RASSF8: variants seen among roughly 807,000 people sequenced by gnomAD.
The protein encoded by RASSF8 is Ras association domain family member 8.
A neutral mutation model predicts 48.5 loss-of-function variants in RASSF8; 22 were observed. The ratio of observed to expected loss-of-function variants is 0.45; its 90% CI spans 0.32 to 0.65. The LOEUF (loss-of-function observed/expected upper bound fraction) is 0.65. Ranked by LOEUF, RASSF8 falls within the 30% of genes least tolerant of loss-of-function variation. The probability of loss-of-function intolerance (pLI) is 0.03; values close to 1 mark genes in which losing one functional copy is unlikely to be tolerated. For synonymous variants in RASSF8, 127 were observed against 171.5 expected (o/e 0.74, Z 2.03); for missense variants, 418 against 489.2 (o/e 0.85, Z 1.37).
intron 3 of RASSF8, among the ~76,000 whole-genome samples, chr12:26,057,004 C>T (rs1192938351): frequency 6.7e-6 from 1 of 150,104 alleles, no homozygotes; most frequent in African/African-American, 2.5e-5. Flanking sequence ...GGAATTAAGC[C>T]ATGGACAGTG....
chr12:26,053,696 T>G (rs766928371), intron 2 of RASSF8, among the ~76,000 whole-genome samples: 1 of 152,204 alleles, frequency 6.6e-6, no homozygotes, highest in East Asian at 1.9e-4. Context: ...AGCACAGTTA[T>G]GGAATCAGCT....
chr12:26,043,656 A>C (rs1943312762), intron 2 of RASSF8, among the ~76,000 whole-genome samples: 1 of 152,240 alleles, frequency 6.6e-6, no homozygotes, highest in South Asian at 2.1e-4. Flanking sequence ...TGTAATAGAC[A>C]AAAAACTGGA....
At chr12:26,006,130 A>C (rs11048374) in intron 2 of RASSF8, among the ~76,000 whole-genome samples, 56,557 of 152,084 alleles carry the variant, frequency 0.37, 11,242 homozygotes, top group Non-Finnish European at 0.45. Flanking sequence ...AGATACTCAT[A>C]TTGTAGGAAG....
chr12:25,975,417 C>T (rs1052856633), intron 1 of RASSF8, among the ~76,000 whole-genome samples: 10 of 152,140 alleles, frequency 6.6e-5, no homozygotes, highest in East Asian at 1.9e-4. Flanking sequence ...GCAGCTTTTC[C>T]GGTCTTTGTC....
intron 1 of RASSF8, among the ~76,000 whole-genome samples, chr12:25,990,081 A>G (rs769382950): frequency 1.3e-5 from 2 of 152,206 alleles, no homozygotes; most frequent in Admixed American, 1.3e-4. Context: ...AGTGCCTATT[A>G]TTACTTTTTA....
intron 2 of RASSF8, among the ~76,000 whole-genome samples, chr12:26,036,125 C>T (rs1943146007): frequency 1.3e-5 from 2 of 151,754 alleles, no homozygotes; most frequent in South Asian, 4.1e-4. Context: ...AGTGATCACT[C>T]ATTCATCTCT....
chr12:26,043,065 A>T (rs1156988683), intron 2 of RASSF8, among the ~76,000 whole-genome samples: 1 of 152,152 alleles, frequency 6.6e-6, no homozygotes, highest in African/African-American at 2.4e-5. Context: ...CGACAAACAC[A>T]CATGGTTCAC....
chr12:26,049,047 T>G (rs1047645123), intron 2 of RASSF8, among the ~76,000 whole-genome samples: 4 of 152,186 alleles, frequency 2.6e-5, no homozygotes, highest in African/African-American at 9.7e-5. Context: ...CGTGAACCAC[T>G]GTGCCCAGCC....
chr12:25,985,404 A>T (rs1246419654), intron 1 of RASSF8, among the ~76,000 whole-genome samples: 1 of 152,100 alleles, frequency 6.6e-6, no homozygotes, highest in East Asian at 1.9e-4. Context: ...GTATCCACCG[A>T]AGGGAAATAC....
chr12:26,012,333 G>A (rs556331253), intron 2 of RASSF8, among the ~76,000 whole-genome samples: 51 of 152,198 alleles, frequency 3.4e-4, no homozygotes, highest in Non-Finnish European at 6.0e-4. Flanking sequence ...AAGCTCTCAG[G>A]CATTTAATAT....
rs1943330695 is a variant in RASSF8 at position 26,044,470 on chromosome 12, T to C, written c.-108-10766T>C. ...AAAGTATGTTAGAATTTTATACAGTTAATTGATTCAGTAGCTGTACCCTAC... is the reference window on the plus strand; with the variant it reads ...AAAGTATGTTAGAATTTTATACAGTCAATTGATTCAGTAGCTGTACCCTAC... On this transcript the variant is annotated intron_variant, in intron 2 of 5. Coordinates refer to ENST00000689635, the MANE Select transcript of RASSF8 (RefSeq NM_001394098.1). 2.0e-5 allele frequency among the ~76,000 whole-genome samples: 3 copies of C among 152,226 alleles called. No homozygotes were observed. The South Asian group carries it at 6.2e-4, about 32-fold the overall frequency.
At chr12:26,079,862 C>CA (rs1173204826) in exon 6 of RASSF8, 4 of 151,822 alleles carry the variant, frequency 2.6e-5, no homozygotes, top group Non-Finnish European at 5.9e-5. Flanking sequence ...AGAGGTTTCT[C>CA]AAAAAATTAA....
intron 1 of RASSF8, among the ~76,000 whole-genome samples, chr12:25,979,361 C>T (rs1376996844): frequency 6.6e-6 from 1 of 152,010 alleles, no homozygotes; most frequent in Admixed American, 6.6e-5. Flanking sequence ...AAGAGTTGGC[C>T]AGCAGTATCA....
At chr12:25,984,001 A>G (rs1055651453) in intron 1 of RASSF8, among the ~76,000 whole-genome samples, 1 of 152,224 alleles carries the variant, frequency 6.6e-6, no homozygotes, top group Non-Finnish European at 1.5e-5. Context: ...TTCCATTCAT[A>G]TGAGCTTCAG....
chr12:26,034,697 C>A (rs543001936), intron 2 of RASSF8, among the ~76,000 whole-genome samples: 8 of 152,218 alleles, frequency 5.3e-5, no homozygotes, highest in Non-Finnish European at 1.0e-4. Context: ...AATTAAGGAA[C>A]CTCCTACTTT....
Position 26,067,645 on chromosome 12 carries a change from G to A in RASSF8, c.1070G>A (p.Gly357Glu). 1 of 1,614,050 alleles carries A rather than the reference G, an allele frequency of 6.2e-7. No homozygotes were observed. The highest frequency in any genetic ancestry group is 8.5e-7 in the Non-Finnish European group (1 of 1,179,976). Residue 357 changes from glycine (G) to glutamate (E), a missense_variant, in exon 5 of 6, where the codon GGG (glycine) becomes GAG (glutamate). Gly to Glu is a moderately conservative substitution (Grantham distance 98). Transcript: ENST00000689635. ...VNLQQFIQQT[G>E]TKVTVLPAEP... ...CTCCAGCAGTTCATCCAGCAGACAG[G>A]GACAAAAGTTACCGTTTTGCCAGCG...
chr12:25,977,840 CTG>C lies in RASSF8; in HGVS notation c.-202-17194_-202-17193del, dbSNP rs567678419. 7.9e-5 allele frequency among the ~76,000 whole-genome samples: 12 copies of C among 152,302 alleles called. No homozygotes were observed. In the South Asian group the frequency reaches 2.3e-3, roughly 29 times the overall value. ...TTAAGGACCACTGACACCAAACAGT[CTG>C]TGGAATTCCTAGTGACAGGTGGGAT... On this transcript the variant is annotated intron_variant, in intron 1 of 5. Coordinates refer to ENST00000689635, the MANE Select transcript of RASSF8 (RefSeq NM_001394098.1).
chr12:26,002,931 C>G (rs1307469216), intron 2 of RASSF8, among the ~76,000 whole-genome samples: 1 of 152,106 alleles, frequency 6.6e-6, no homozygotes, highest in African/African-American at 2.4e-5. Flanking sequence ...TATTTTAGCA[C>G]ATTGTATTAT....
chr12:26,069,590 A>G lies in RASSF8; in HGVS notation c.*772A>G. On this transcript the variant is annotated 3_prime_UTR_variant, in exon 6 of 6. Coordinates refer to ENST00000689635, the MANE Select transcript of RASSF8 (RefSeq NM_001394098.1). Reference sequence around the variant, plus strand: ...ATGTAATTGGTAAGTATGTATCCAAACAGGCATGGGGTTTCCTGATACATT... The same window carrying G: ...ATGTAATTGGTAAGTATGTATCCAAGCAGGCATGGGGTTTCCTGATACATT... The G allele has an allele frequency of 1.0e-6, 1 of 985,458 alleles. No homozygotes were observed. The highest frequency in any genetic ancestry group is 1.2e-6 in the Non-Finnish European group (1 of 829,934). 61.0% of individuals were successfully genotyped at this position (985,458 alleles called of 1,614,324 possible). A position where few individuals can be genotyped will look rare whatever the true frequency, so the allele number is the denominator to read the frequency against.
Sources: gnomAD v4.1 joint callset for allele counts (sites outside exome capture counted in the v4.1 genomes callset) on GRCh38, gnomAD v4.1.1 for gene constraint, MANE v1.5 for transcripts, NCBI Gene and HGNC (gene_info 2026-07-23, HGNC 2026-07-21) for gene names.